Variants in NOX5 observed in about 807,000 individuals in gnomAD.
The protein encoded by NOX5 is NADPH oxidase, EF-hand calcium binding domain 5.
A neutral mutation model predicts 85.7 loss-of-function variants in NOX5; 76 were observed. That is an observed-to-expected ratio of 0.89 (90% CI 0.74 to 1.07). The LOEUF (loss-of-function observed/expected upper bound fraction) is 1.07. NOX5 is among the 50% of genes least tolerant of loss of function. NOX5 has a pLI of 0.00. For missense variants in NOX5, 973 were observed against 999.5 expected (o/e 0.97, Z 0.36); for synonymous variants, 405 against 401.4 (o/e 1.01, Z -0.11).
intron 4 of NOX5, 106 bp from the exon 5 acceptor site, chr15:69,032,937 G>A: frequency 6.9e-7 from 1 of 1,445,342 alleles, no homozygotes; most frequent in Non-Finnish European, 9.1e-7. Context: ...AAGCCGGCCT[G>A]CTTGCCAGAC....
intron 1 of NOX5, among the ~76,000 whole-genome samples, chr15:69,016,054 C>T (rs1477747584): frequency 6.6e-6 from 1 of 152,192 alleles, no homozygotes; most frequent in Admixed American, 6.5e-5. Flanking sequence ...AGGTCTGATG[C>T]GAAGCTCTCT....
intron 14 of NOX5, among the ~76,000 whole-genome samples, chr15:69,052,522 A>G (rs949776613): frequency 8.5e-5 from 13 of 152,246 alleles, no homozygotes; most frequent in South Asian, 2.1e-4. Flanking sequence ...GAGAATTGGC[A>G]TAGTGTTTTA....
At chr15:69,050,468 G>A (rs563940553) in intron 14 of NOX5, among the ~76,000 whole-genome samples, 3 of 152,242 alleles carry the variant, frequency 2.0e-5, no homozygotes, top group African/African-American at 7.2e-5. Context: ...TCGGCTCACT[G>A]CAACCTCCAC....
At chr15:69,048,594 A>G (rs2050705921) in intron 13 of NOX5, among the ~76,000 whole-genome samples, 1 of 152,014 alleles carries the variant, frequency 6.6e-6, no homozygotes, top group Non-Finnish European at 1.5e-5. Flanking sequence ...AATAATGGAA[A>G]CATGTTTGCC....
intron 1 of NOX5, among the ~76,000 whole-genome samples, chr15:69,016,402 T>C (rs1363782936): frequency 3.9e-5 from 6 of 152,178 alleles, no homozygotes; most frequent in Non-Finnish European, 8.8e-5. Flanking sequence ...GCAGCTCCAG[T>C]GACTTACTAG....
At chr15:69,038,737 G>A in intron 8 of NOX5, 120 bp from the exon 9 acceptor site, 1 of 1,379,668 alleles carries the variant, frequency 7.2e-7, no homozygotes, top group Non-Finnish European at 1.0e-6. Flanking sequence ...AGAGTGTCAT[G>A]TCTCGGGGCA....
rs556054453 is a variant in NOX5 at position 69,035,352 on chromosome 15, A to T, written c.856-2A>T. On this transcript the variant is annotated splice_acceptor_variant, in intron 5 of 15. Transcript: ENST00000388866. LOFTEE classifies it high-confidence loss of function. ...GGGCTCTCTCCCACTCTGCCTGGCC[A>T]GGTGCTGATGCTCAGACGCTGCCTC... 10 of 1,613,706 alleles carry T rather than the reference A, an allele frequency of 6.2e-6. No homozygotes were observed. The East Asian group carries it at 2.2e-4, about 36-fold the overall frequency.
rs1461763905 is a variant in NOX5 at position 69,033,085 on chromosome 15, G to A, written c.663G>A (p.Pro221=). ...CGGCCCCCGCCCCCCGCCCACGCCC[G>A]CGCCGGCCGCGCCAGCTGACCCGCG... The part of the protein sequence containing the change: ...WLTAPAPRPR[P]RRPRQLTRAY... The change falls in exon 5 of 16, where the codon CCG becomes CCA. Residue 221 remains proline, a synonymous_variant. Transcript: ENST00000388866. 1.3e-6 allele frequency: 2 copies of A among 1,546,300 alleles called. No homozygotes were observed. Among genetic ancestry groups the A allele is most frequent in the Admixed American group, 1.9e-5 (1 of 51,670 alleles).
At chr15:69,038,492 T>C (rs2050550677) in intron 8 of NOX5, 1 of 317,348 alleles carries the variant, frequency 3.2e-6, no homozygotes, top group African/African-American at 2.2e-5. Context: ...CCATTGATGG[T>C]TAGAATGCTA....
intron 11 of NOX5, 97 bp downstream of exon 11, chr15:69,046,963 T>C: frequency 1.5e-6 from 2 of 1,317,398 alleles, no homozygotes; most frequent in South Asian, 2.5e-5. Flanking sequence ...TGGTTGTGGG[T>C]ACTCAAGCTC....
intron 14 of NOX5, among the ~76,000 whole-genome samples, chr15:69,053,970 T>C (rs141156349): frequency 6.6e-6 from 1 of 152,264 alleles, no homozygotes; most frequent in Non-Finnish European, 1.5e-5. Flanking sequence ...GCTGAGACCT[T>C]AGGCCAAATG....
At chr15:69,049,190 G>T (rs1409625485) in intron 14 of NOX5, 132 bp downstream of exon 14, 24 of 406,540 alleles carry the variant, frequency 5.9e-5, no homozygotes, top group Middle Eastern at 7.0e-4. Context: ...TGAACCCAGA[G>T]TCTTTTTTTT....
chr15:69,054,931 CAA>C (rs1242180235), intron 14 of NOX5, among the ~76,000 whole-genome samples: 1 of 152,100 alleles, frequency 6.6e-6, no homozygotes, highest in Non-Finnish European at 1.5e-5. Context: ...TCTATAAATA[CAA>C]AAAGTCTTGG....
At chr15:69,031,478 T>C in intron 3 of NOX5, 40 bp from the exon 4 acceptor site, 1 of 1,573,372 alleles carries the variant, frequency 6.4e-7, no homozygotes, top group Non-Finnish European at 8.6e-7. Flanking sequence ...GGCAGAAAGC[T>C]GGAGGTGGGT....
In NOX5 at chr15:69,056,794, C is replaced by A; in HGVS notation, c.*98C>A. ...CAGGGACCAGCCTCAGATGACCCACCCAATAAGACAAAGCCTAGGGACCCC... is the reference window on the plus strand; with the variant it reads ...CAGGGACCAGCCTCAGATGACCCACACAATAAGACAAAGCCTAGGGACCCC... On this transcript the variant is annotated 3_prime_UTR_variant, in exon 16 of 16. Transcript: ENST00000388866. 6.8e-7 allele frequency: 1 copy of A among 1,463,382 alleles called. No homozygotes were observed. The highest frequency in any genetic ancestry group is 9.2e-7 in the Non-Finnish European group (1 of 1,086,950). 90.6% of individuals were successfully genotyped at this position (1,463,382 alleles called of 1,614,324 possible).
intron 3 of NOX5, chr15:69,031,006 G>C (rs1172401165): frequency 6.5e-6 from 1 of 153,872 alleles, no homozygotes; most frequent in Non-Finnish European, 1.4e-5. Flanking sequence ...ATAAAATACA[G>C]AAAAATCTCA....
At chr15:69,038,458 A>G (rs2050550199) in intron 8 of NOX5, 2 of 266,002 alleles carry the variant, frequency 7.5e-6, no homozygotes, top group South Asian at 9.4e-5. Flanking sequence ...GTCTGGAAAG[A>G]TGTTGTTATC....
intron 14 of NOX5, among the ~76,000 whole-genome samples, chr15:69,050,540 G>A (rs1423581230): frequency 1.3e-5 from 2 of 152,026 alleles, no homozygotes; most frequent in Non-Finnish European, 1.5e-5. Context: ...ACAAGCGCCC[G>A]CCTCCACGCC....
intron 14 of NOX5, among the ~76,000 whole-genome samples, chr15:69,053,697 G>T (rs1362460898): frequency 6.6e-6 from 1 of 152,152 alleles, no homozygotes; most frequent in Non-Finnish European, 1.5e-5. Context: ...AACACAGCTG[G>T]ATGGAGAGAG....
Sources: gnomAD v4.1 joint callset for allele counts (sites outside exome capture counted in the v4.1 genomes callset) on GRCh38, gnomAD v4.1.1 for gene constraint, MANE v1.5 for transcripts, NCBI Gene and HGNC (gene_info 2026-07-23, HGNC 2026-07-21) for gene names.